CHCHD3: variants seen among roughly 807,000 people sequenced by gnomAD.
CHCHD3 encodes MICOS complex subunit MIC19.
In CHCHD3, 20 loss-of-function variants were observed where a neutral mutation model predicts 38.2. That is an observed-to-expected ratio of 0.52 (90% CI 0.37 to 0.76). The LOEUF is 0.76. Among genes scored for constraint, CHCHD3 ranks in the 30% least tolerant of loss-of-function variants. CHCHD3 has a pLI of 0.00. For missense variants in CHCHD3, 245 were observed against 279.2 expected (o/e 0.88, Z 0.87); for synonymous variants, 82 against 100.0 (o/e 0.82, Z 1.07).
At chr7:133,058,589 A>C (rs1814409545) in intron 2 of CHCHD3, among the ~76,000 whole-genome samples, 1 of 152,228 alleles carries the variant, frequency 6.6e-6, no homozygotes, top group African/African-American at 2.4e-5. Flanking sequence ...TTTAAATCAA[A>C]TTTATCCTGA....
chr7:132,840,322 A>C (rs1352504663), intron 5 of CHCHD3, among the ~76,000 whole-genome samples: 1 of 152,250 alleles, frequency 6.6e-6, no homozygotes, highest in Non-Finnish European at 1.5e-5. Flanking sequence ...CTCTCACTAA[A>C]GATGAGAAAC....
chr7:132,957,401 G>A (rs1353689838), intron 4 of CHCHD3, among the ~76,000 whole-genome samples: 1 of 152,190 alleles, frequency 6.6e-6, no homozygotes, highest in African/African-American at 2.4e-5. Flanking sequence ...GGAAATGGCT[G>A]CGCCACTCCA....
intron 4 of CHCHD3, among the ~76,000 whole-genome samples, chr7:132,904,008 C>A (rs528698224): frequency 6.6e-6 from 1 of 152,188 alleles, no homozygotes; most frequent in South Asian, 2.1e-4. Context: ...GCCTGTAATG[C>A]CAGCATTTTG....
At chr7:132,837,836 A>G (rs1388891063) in intron 6 of CHCHD3, among the ~76,000 whole-genome samples, 4 of 152,222 alleles carry the variant, frequency 2.6e-5, no homozygotes, top group East Asian at 1.9e-4. Flanking sequence ...GCTATGGGAC[A>G]CGGACACTTT....
intron 2 of CHCHD3, among the ~76,000 whole-genome samples, chr7:133,049,614 T>C (rs1814091699): frequency 6.6e-6 from 1 of 152,212 alleles, no homozygotes; most frequent in Non-Finnish European, 1.5e-5. Flanking sequence ...TTATACACAC[T>C]ATGAATGTTT....
intron 3 of CHCHD3, among the ~76,000 whole-genome samples, chr7:132,979,457 C>A (rs1811860631): frequency 6.6e-6 from 1 of 152,158 alleles, no homozygotes; most frequent in African/African-American, 2.4e-5. Context: ...GCCATGATTA[C>A]AAATAACAGA....
At chr7:132,927,129 C>G (rs1810397274) in intron 4 of CHCHD3, among the ~76,000 whole-genome samples, 1 of 152,202 alleles carries the variant, frequency 6.6e-6, no homozygotes, top group African/African-American at 2.4e-5. Context: ...GACCCACAAA[C>G]AGTTAAGAGC....
At chr7:132,997,442 T>C (rs1280829546) in intron 3 of CHCHD3, among the ~76,000 whole-genome samples, 1 of 152,070 alleles carries the variant, frequency 6.6e-6, no homozygotes, top group Non-Finnish European at 1.5e-5. Flanking sequence ...TATATTACTG[T>C]CACTGTACCA....
chr7:133,057,251 A>G (rs1439485013), intron 2 of CHCHD3, among the ~76,000 whole-genome samples: 1 of 152,226 alleles, frequency 6.6e-6, no homozygotes, highest in Non-Finnish European at 1.5e-5. Context: ...CAATCAAAAT[A>G]TAACATAGCC....
At chr7:133,030,116 C>G (rs1203481811) in intron 2 of CHCHD3, among the ~76,000 whole-genome samples, 1 of 151,466 alleles carries the variant, frequency 6.6e-6, no homozygotes, top group African/African-American at 2.4e-5. Flanking sequence ...AAAATAAAAA[C>G]ATGACCTAGC....
chr7:132,905,785 G>A (rs1809790597), intron 4 of CHCHD3, among the ~76,000 whole-genome samples: 1 of 152,204 alleles, frequency 6.6e-6, no homozygotes. Flanking sequence ...CATCTGCAGA[G>A]CTTCTAAGAT....
At chr7:132,906,068 T>C (rs1379134633) in intron 4 of CHCHD3, among the ~76,000 whole-genome samples, 4 of 152,306 alleles carry the variant, frequency 2.6e-5, no homozygotes, top group African/African-American at 7.2e-5. Flanking sequence ...ATTATAACTA[T>C]GTGAGATAAA....
intron 3 of CHCHD3, among the ~76,000 whole-genome samples, chr7:133,018,781 A>G (rs1278281646): frequency 6.6e-6 from 1 of 151,510 alleles, no homozygotes; most frequent in Admixed American, 6.6e-5. Flanking sequence ...AAAAAAGGTT[A>G]TCATGATTTT....
chr7:132,983,488 TC>T (rs1811973029), intron 3 of CHCHD3, among the ~76,000 whole-genome samples: 1 of 152,224 alleles, frequency 6.6e-6, no homozygotes, highest in African/African-American at 2.4e-5. Flanking sequence ...AGTAGGCACC[TC>T]CTGTTGCTAT....
chr7:133,035,619 A>C lies in CHCHD3; in HGVS notation c.170-10992T>G. 3 of 1,611,796 alleles carry C rather than the reference A, an allele frequency of 1.9e-6. No individual in the cohort carries two copies. In the South Asian group the frequency reaches 3.3e-5, roughly 18 times the overall value. On this transcript the variant is annotated intron_variant, in intron 2 of 7. Transcript: ENST00000262570. This position sits in a 1 kb window ranked among gnomAD's most constrained non-coding sequence, Gnocchi z 4.7. ...TGGGGGCACTATATCGGAATCAGCA[A>C]AGCTCACCCACTGCACCACCTGGGC...
At chr7:132,824,076 T>C (rs1322253212) in intron 6 of CHCHD3, among the ~76,000 whole-genome samples, 1 of 152,182 alleles carries the variant, frequency 6.6e-6, no homozygotes, top group African/African-American at 2.4e-5. Flanking sequence ...CAAGCTAATA[T>C]GTGGTTATTT....
chr7:132,994,178 T>C, intron 3 of CHCHD3, among the ~76,000 whole-genome samples: 1 of 152,152 alleles, frequency 6.6e-6, no homozygotes, highest in East Asian at 1.9e-4. Flanking sequence ...CCACTCACTG[T>C]AAGTACTATA....
At position 133,035,414 on chromosome 7, in the gene CHCHD3, C is replaced by CA. The variant is rs1813643997; in HGVS notation, c.170-10788dup. 6.2e-7 allele frequency: 1 copy of CA among 1,613,430 alleles called. No individual in the cohort carries two copies. Among genetic ancestry groups the CA allele is most frequent in the African/African-American group, 1.3e-5 (1 of 74,914 alleles). On this transcript the variant is annotated intron_variant, in intron 2 of 7. Transcript: ENST00000262570. This position sits in a 1 kb window ranked among gnomAD's most constrained non-coding sequence, Gnocchi z 4.7. ...GCTCTAGAACCTGCTTATAGAGCCA[C>CA]AACAGGGTGCAGACAACTGTGATGT...
chr7:132,975,925 T>TAAA (rs11417082), intron 3 of CHCHD3, among the ~76,000 whole-genome samples: 4 of 140,458 alleles, frequency 2.8e-5, no homozygotes, highest in South Asian at 2.3e-4. Flanking sequence ...AGACTCCGTT[T>TAAA]AAAAAAAAAA....
Sources: allele counts gnomAD v4.1 joint callset (sites outside exome capture counted in the v4.1 genomes callset), GRCh38; gene constraint gnomAD v4.1.1; non-coding constraint Gnocchi (gnomAD v3.1); transcripts MANE v1.5; gene names NCBI Gene and HGNC (gene_info 2026-07-23, HGNC 2026-07-21).